SYT13: variants seen among roughly 807,000 people sequenced by gnomAD.
SYT13 encodes the protein synaptotagmin-13.
In SYT13, 21 loss-of-function variants were observed where a neutral mutation model predicts 38.6. The ratio of observed to expected loss-of-function variants is 0.54; its 90% CI spans 0.39 to 0.78. The LOEUF (loss-of-function observed/expected upper bound fraction) is 0.78. Ranked by LOEUF, SYT13 falls within the 30% of genes least tolerant of loss-of-function variation. SYT13 has a pLI of 0.00. For missense variants in SYT13, 495 were observed against 548.7 expected (o/e 0.90, Z 0.98); for synonymous variants, 241 against 237.6 (o/e 1.01, Z -0.13).
At chr11:45,262,120 G>A (rs1025163990) in intron 1 of SYT13, among the ~76,000 whole-genome samples, 26 of 152,054 alleles carry the variant, frequency 1.7e-4, no homozygotes, top group Middle Eastern at 3.2e-3. Context: ...TCTATATAAC[G>A]GAGTATTATT....
chr11:45,255,944 T>G, intron 1 of SYT13, 53 bp from the exon 2 acceptor site: 3 of 1,583,884 alleles, frequency 1.9e-6, no homozygotes, highest in Non-Finnish European at 2.6e-6. Context: ...CTTGTCTGTT[T>G]CCCCCCATGG....
chr11:45,255,425 A>G (rs781332625), intron 2 of SYT13, among the ~76,000 whole-genome samples: 12 of 152,160 alleles, frequency 7.9e-5, no homozygotes, highest in Non-Finnish European at 1.6e-4. Context: ...TTGCACACAT[A>G]TGACTAGAAA....
intron 1 of SYT13, among the ~76,000 whole-genome samples, chr11:45,268,727 C>T (rs1854914534): frequency 6.6e-6 from 1 of 152,170 alleles, no homozygotes; most frequent in Non-Finnish European, 1.5e-5. Context: ...CCTTCCCTTC[C>T]TGGGAAGACA....
chr11:45,272,203 G>T (rs1404991096), intron 1 of SYT13, among the ~76,000 whole-genome samples: 2 of 152,122 alleles, frequency 1.3e-5, no homozygotes, highest in African/African-American at 2.4e-5. Flanking sequence ...CAGGGGTGGG[G>T]TGGTTGGGGA....
At chr11:45,254,558 G>C in intron 2 of SYT13, 154 bp from the exon 3 acceptor site, 1 of 1,065,490 alleles carries the variant, frequency 9.4e-7, no homozygotes, top group Non-Finnish European at 1.3e-6. Context: ...GACAACAGGT[G>C]GGGTCAATGT....
rs1854548866 is a variant in SYT13 at position 45,241,419 on chromosome 11, C to A, written c.*2633G>T. ...TGCTAAGTGAGGTCAAGGCTGACATCTAAGATGTTCTGTGGCGGAACCTGG... is the reference window on the plus strand; with the variant it reads ...TGCTAAGTGAGGTCAAGGCTGACATATAAGATGTTCTGTGGCGGAACCTGG... On this transcript the variant is annotated 3_prime_UTR_variant, in exon 6 of 6. Transcript: ENST00000020926. The A allele has an allele frequency of 1.3e-5, 2 of 152,158 alleles. No individual in the cohort carries two copies. Among genetic ancestry groups the A allele is most frequent in the Admixed American group, 1.3e-4 (2 of 15,280 alleles). 9.4% of individuals were successfully genotyped at this position (152,158 alleles called of 1,614,324 possible).
intron 1 of SYT13, among the ~76,000 whole-genome samples, chr11:45,264,829 A>G (rs1039625128): frequency 1.3e-5 from 2 of 152,380 alleles, no homozygotes; most frequent in Admixed American, 1.3e-4. Context: ...CTAAAATCAA[A>G]AAGACTGACA....
In SYT13 at chr11:45,246,773, T is replaced by C. The variant is rs545017261; in HGVS notation, c.847-261A>G. The stretch of plus-strand genomic sequence containing the variant: ...ATATACCATATACTCAAATCCAACA[T>C]ACAAAACAGAACAAAGAAAGGCTAC... On this transcript the variant is annotated intron_variant, in intron 4 of 5. Transcript: ENST00000020926. Among the ~76,000 whole-genome samples the C allele has an allele frequency of 5.9e-5, 9 of 152,224 alleles. No individual in the cohort carries two copies. The East Asian group carries it at 1.5e-3, about 26-fold the overall frequency.
intron 1 of SYT13, among the ~76,000 whole-genome samples, chr11:45,279,117 A>G (rs544209449): frequency 6.6e-6 from 1 of 152,354 alleles, no homozygotes; most frequent in South Asian, 2.1e-4. Context: ...TTTTTCTGCT[A>G]ATCTTCAACC....
At chr11:45,256,416 C>G (rs1854747868) in intron 1 of SYT13, among the ~76,000 whole-genome samples, 1 of 152,200 alleles carries the variant, frequency 6.6e-6, no homozygotes, top group Non-Finnish European at 1.5e-5. Context: ...TGGGCTCTTT[C>G]CTTGGTCCAG....
In SYT13 at chr11:45,252,634, G is replaced by A; in HGVS notation, c.633C>T (p.Ala211=). 1.2e-6 allele frequency: 2 copies of A among 1,614,018 alleles called. No individual in the cohort carries two copies. The highest frequency in any genetic ancestry group is 1.7e-6 in the Non-Finnish European group (2 of 1,179,890). The change falls in exon 4 of 6, where the codon GCC becomes GCT. Residue 211 remains alanine (A), a synonymous_variant. Transcript: ENST00000020926. The surrounding 1 kb of genome is among the most constrained non-coding windows in gnomAD (Gnocchi z 4.3). ...NRTGSVEAQT[A]LKKRQLHTTW... is the part of the protein sequence containing the mutation. ...TGGTGTGCAGCTGCCGCTTCTTTAGGGCTGTCTGAGCCTCCACAGAGCCGG... is the reference window on the plus strand; with the variant it reads ...TGGTGTGCAGCTGCCGCTTCTTTAGAGCTGTCTGAGCCTCCACAGAGCCGG...
At chr11:45,270,145 C>G (rs775744314) in intron 1 of SYT13, among the ~76,000 whole-genome samples, 3 of 152,166 alleles carry the variant, frequency 2.0e-5, no homozygotes, top group Non-Finnish European at 2.9e-5. Flanking sequence ...CCACTTCTGC[C>G]CCCTCTCCTG....
At chr11:45,283,245 C>G (rs1855095203) in intron 1 of SYT13, among the ~76,000 whole-genome samples, 1 of 152,208 alleles carries the variant, frequency 6.6e-6, no homozygotes, top group South Asian at 2.1e-4. Context: ...AATCAGATTT[C>G]TAGGAATAGC....
intron 1 of SYT13, among the ~76,000 whole-genome samples, chr11:45,275,670 T>C (rs1855001999): frequency 6.6e-6 from 1 of 152,182 alleles, no homozygotes; most frequent in Admixed American, 6.5e-5. Flanking sequence ...GAACTCCTCC[T>C]GAAGGTTCAT....
At chr11:45,273,322 G>T (rs1314502890) in intron 1 of SYT13, among the ~76,000 whole-genome samples, 2 of 152,168 alleles carry the variant, frequency 1.3e-5, no homozygotes, top group African/African-American at 4.8e-5. Flanking sequence ...CAGGCACCTA[G>T]CAGGGAGGGA....
chr11:45,265,692 C>T (rs1381272738), intron 1 of SYT13, among the ~76,000 whole-genome samples: 1 of 152,108 alleles, frequency 6.6e-6, no homozygotes, highest in Admixed American at 6.5e-5. Context: ...GAGGGCTTTA[C>T]CCTCATGACC....
chr11:45,252,803 G>T lies in SYT13; in HGVS notation c.545-81C>A. On this transcript the variant is annotated intron_variant, in intron 3 of 5. Transcript: ENST00000020926. The surrounding 1 kb of genome is among the most constrained non-coding windows in gnomAD (Gnocchi z 4.3). Reference sequence around the variant, plus strand: ...GCAGAAGCACGCCTTGCTTAGGGCTGTGGAATCCAGCTTAACGACGTGACC... The same window carrying T: ...GCAGAAGCACGCCTTGCTTAGGGCTTTGGAATCCAGCTTAACGACGTGACC... The T allele has an allele frequency of 6.9e-7, 1 of 1,441,254 alleles. No individual in the cohort carries two copies. Among genetic ancestry groups the T allele is most frequent in the Non-Finnish European group, 9.3e-7 (1 of 1,080,410 alleles). The allele number at this position is 1,441,254 out of a possible 1,614,324, so 89.3% of individuals were successfully genotyped here. A position where few individuals can be genotyped will look rare whatever the true frequency, so the allele number is the denominator to read the frequency against.
At chr11:45,269,393 T>A in intron 1 of SYT13, 2 of 1,131,218 alleles carry the variant, frequency 1.8e-6, no homozygotes, top group Non-Finnish European at 2.2e-6. Flanking sequence ...AACCCCAAGA[T>A]GGCAAGATCC....
In SYT13 at chr11:45,273,528, C is replaced by T. The variant is rs140043563; in HGVS notation, c.183+12497G>A. On this transcript the variant is annotated intron_variant, in intron 1 of 5. Transcript: ENST00000020926. ...GGGGAAGAAGTAGGTTTGGGGTTGACGGGGGAGCATTTAGGGGGTTCTGGA... is the reference window on the plus strand; with the variant it reads ...GGGGAAGAAGTAGGTTTGGGGTTGATGGGGGAGCATTTAGGGGGTTCTGGA... Among the ~76,000 whole-genome samples, 592 of 145,564 alleles carry T rather than the reference C, an allele frequency of 4.1e-3. 4 individuals are homozygous for T. The highest frequency in any genetic ancestry group is 0.014 in the African/African-American group (564 of 39,016).
Sources: gnomAD v4.1 joint callset for allele counts (sites outside exome capture counted in the v4.1 genomes callset) on GRCh38, gnomAD v4.1.1 for gene constraint, Gnocchi (gnomAD v3.1) non-coding constraint, MANE v1.5 for transcripts, NCBI Gene and HGNC (gene_info 2026-07-23, HGNC 2026-07-21) for gene names.